CNGA3: variants seen among roughly 807,000 people sequenced by gnomAD.
CNGA3 encodes the protein cyclic nucleotide-gated channel alpha-3.
Under a neutral mutation model 46.6 loss-of-function variants are expected in CNGA3, and 42 were observed. The observed-to-expected ratio is 0.90, with a 90% CI of 0.70 to 1.17. The LOEUF (loss-of-function observed/expected upper bound fraction) is 1.17. CNGA3 is among the 50% of genes most tolerant of loss of function. The pLI is 0.00. For synonymous variants in CNGA3, 394 were observed against 369.4 expected (o/e 1.07, Z -0.76); for missense variants, 893 against 890.7 (o/e 1.00, Z -0.03).
Position 98,378,047 on chromosome 2 carries a change from T to A in CNGA3, c.215+247T>A, listed in dbSNP as rs989103723. ...TGCTTAATAAAAGCTGACATTGAGG[T>A]ACTTGCTCAGGTTTGGAAGAATTCA... On this transcript the variant is annotated intron_variant, in intron 3 of 7. Transcript: ENST00000272602. 3 of 1,549,012 alleles carry A rather than the reference T, an allele frequency of 1.9e-6. No individual in the cohort carries two copies. In the African/African-American group the frequency reaches 4.1e-5, roughly 21 times the overall value.
chr2:98,357,413 C>A (rs1384779150), intron 1 of CNGA3, among the ~76,000 whole-genome samples: 1 of 152,198 alleles, frequency 6.6e-6, no homozygotes, highest in African/African-American at 2.4e-5. Flanking sequence ...ACCTGGGAAG[C>A]CTCCTTAATG....
At chr2:98,359,764 AC>A (rs959270868) in intron 1 of CNGA3, among the ~76,000 whole-genome samples, 2 of 151,348 alleles carry the variant, frequency 1.3e-5, no homozygotes, top group Non-Finnish European at 2.9e-5. Flanking sequence ...TGTCTCCCCC[AC>A]CCCCCACAAA....
chr2:98,380,179 T>TC lies in CNGA3; in HGVS notation c.221dup (p.Arg75AlafsTer26), dbSNP rs1692504231. On this transcript the variant is annotated frameshift_variant, in exon 4 of 8. Transcript: ENST00000272602. LOFTEE classifies it high-confidence loss of function. ...AGTGCTTGTGTCACCTTCCAGGCTG[T>TC]CGCGCCTCATCTTCTTGCTGCGCAG... 6.2e-7 allele frequency: 1 copy of TC among 1,614,028 alleles called. No individual in the cohort carries two copies. Among genetic ancestry groups the TC allele is most frequent in the Admixed American group, 1.7e-5 (1 of 60,012 alleles).
rs752224900 is a variant in CNGA3, at chr2:98,397,180, G to C, written c.2010G>C (p.Lys670Asn). ...TCAGCCAACTGGAAAGCCAGGTGAAGGGTGGTGGGGACAAGCCCCTGGCTG... is the reference window on the plus strand; with the variant it reads ...TCAGCCAACTGGAAAGCCAGGTGAACGGTGGTGGGGACAAGCCCCTGGCTG... ...QRLSQLESQV[K>N]GGGDKPLADG... The change falls in exon 8 of 8, where the codon AAG becomes AAC. Residue 670 changes from lysine to asparagine, a missense_variant. Physicochemically the swap from Lys to Asn is moderately conservative, Grantham distance 94. Around this residue, in one of 3 missense-constraint regions of CNGA3, gnomAD observed 548 missense variants for 570.8 expected, o/e 0.96. Transcript: ENST00000272602. 2.5e-6 allele frequency: 4 copies of C among 1,614,136 alleles called. No homozygotes were observed. Among genetic ancestry groups the C allele is most frequent in the Non-Finnish European group, 3.4e-6 (4 of 1,180,026 alleles).
chr2:98,363,601 G>C (rs1368260307), intron 1 of CNGA3, among the ~76,000 whole-genome samples: 1 of 152,078 alleles, frequency 6.6e-6, no homozygotes, highest in African/African-American at 2.4e-5. Flanking sequence ...GTTTTCAAGG[G>C]GAATGCTTCC....
chr2:98,382,541 G>A lies in CNGA3; in HGVS notation c.396-847G>A, dbSNP rs919490184. On this transcript the variant is annotated intron_variant, in intron 4 of 7. Transcript: ENST00000272602. ...TCAAGCATCGTGGAAGAGGTGCCCC[G>A]GGAGTCAGGTGGGGGTGTCGCCTGC... Among the ~76,000 whole-genome samples the A allele has an allele frequency of 5.3e-5, 8 of 152,182 alleles. No individual in the cohort carries two copies. The South Asian group carries it at 8.3e-4, about 16-fold the overall frequency.
chr2:98,379,989 G>A (rs148560166), intron 3 of CNGA3, 186 bp from the exon 4 acceptor site: 4 of 672,326 alleles, frequency 5.9e-6, no homozygotes, highest in African/African-American at 5.3e-5. Flanking sequence ...GGTCCCCATG[G>A]GGCAGAGATG....
At chr2:98,358,848 A>G (rs1002758606) in intron 1 of CNGA3, among the ~76,000 whole-genome samples, 19 of 152,238 alleles carry the variant, frequency 1.2e-4, no homozygotes, top group Non-Finnish European at 2.1e-4. Context: ...CTGGATAAAG[A>G]ACATAGAATT....
At chr2:98,387,048 G>A (rs978319121) in intron 5 of CNGA3, among the ~76,000 whole-genome samples, 12 of 152,142 alleles carry the variant, frequency 7.9e-5, no homozygotes, top group African/African-American at 1.7e-4. Flanking sequence ...AATTTGTTCC[G>A]GCAGAAATAG....
intron 4 of CNGA3, among the ~76,000 whole-genome samples, chr2:98,380,994 C>T (rs1692525240): frequency 6.6e-6 from 1 of 152,178 alleles, no homozygotes; most frequent in Non-Finnish European, 1.5e-5. Context: ...CTCTCTGCAT[C>T]TTGCTTCGCC....
At chr2:98,359,107 T>C (rs910269096) in intron 1 of CNGA3, among the ~76,000 whole-genome samples, 1 of 152,148 alleles carries the variant, frequency 6.6e-6, no homozygotes, top group African/African-American at 2.4e-5. Flanking sequence ...CAGATGTCCA[T>C]TATCAAACTG....
intron 7 of CNGA3, among the ~76,000 whole-genome samples, 171 bp downstream of exon 7, chr2:98,392,141 A>C (rs1692805130): frequency 6.6e-6 from 1 of 151,754 alleles, no homozygotes; most frequent in Non-Finnish European, 1.5e-5. Flanking sequence ...TCTACACGGA[A>C]CCCTTGGACA....
chr2:98,360,736 A>T (rs1323503573), intron 1 of CNGA3, among the ~76,000 whole-genome samples: 1 of 152,204 alleles, frequency 6.6e-6, no homozygotes, highest in Non-Finnish European at 1.5e-5. Flanking sequence ...CAAAGTCTGC[A>T]TATACTAAGT....
intron 1 of CNGA3, chr2:98,350,861 A>G (rs1691754915): frequency 6.6e-6 from 1 of 152,310 alleles, no homozygotes; most frequent in East Asian, 1.9e-4. Context: ...GTTCAGAGAG[A>G]GATAACTCTA....
chr2:98,383,497 T>G, intron 5 of CNGA3, 56 bp downstream of exon 5: 1 of 1,574,966 alleles, frequency 6.3e-7, no homozygotes, highest in East Asian at 2.2e-5. Flanking sequence ...CTCCACCCCA[T>G]AGAAGCCCCA....
intron 1 of CNGA3, among the ~76,000 whole-genome samples, chr2:98,360,553 A>T: frequency 1.1e-5 from 1 of 92,728 alleles, no homozygotes; most frequent in East Asian, 2.9e-4. Context: ...CTCTCTAATA[A>T]AGCCCCAGCT....
At chr2:98,376,435 G>A (rs889028201) in intron 2 of CNGA3, among the ~76,000 whole-genome samples, 4 of 152,206 alleles carry the variant, frequency 2.6e-5, no homozygotes, top group South Asian at 2.1e-4. Context: ...CCTGACTCCC[G>A]GTGGTTCCAG....
At chr2:98,389,965 G>A (rs1692745469) in intron 6 of CNGA3, among the ~76,000 whole-genome samples, 191 bp downstream of exon 6, 1 of 152,118 alleles carries the variant, frequency 6.6e-6, no homozygotes, top group Non-Finnish European at 1.5e-5. Flanking sequence ...GTGCTCTGAA[G>A]CATGGGTGGG....
At chr2:98,393,201 GCCTCGGTTTACAGAGCAAGA>G (rs1224400674) in intron 7 of CNGA3, among the ~76,000 whole-genome samples, 1 of 151,974 alleles carries the variant, frequency 6.6e-6, no homozygotes, top group Non-Finnish European at 1.5e-5. Context: ...GGGAGTCATG[GCCTCGGTTTACAGAGCAAGA>G]CCTTGTCTCA....
Sources: allele counts gnomAD v4.1 joint callset (sites outside exome capture counted in the v4.1 genomes callset), GRCh38; gene constraint gnomAD v4.1.1; regional missense constraint gnomAD v4.1.1; transcripts MANE v1.5; gene names NCBI Gene and HGNC (gene_info 2026-07-23, HGNC 2026-07-21).